The following RIN2 variants were observed in gnomAD, a reference collection of about 807,000 sequenced individuals.
RIN2 encodes the protein RAB5 interacting protein 2.
In RIN2, 36 loss-of-function variants were observed where a neutral mutation model predicts 78.0. That is an observed-to-expected ratio of 0.46 (90% CI 0.35 to 0.61). The LOEUF is 0.61. Among genes scored for constraint, RIN2 ranks in the 20% least tolerant of loss-of-function variants. RIN2 has a pLI of 0.00. For missense variants in RIN2, 1,087 were observed against 1,159.7 expected, an observed-to-expected ratio of 0.94 and a Z score of 0.91; for synonymous variants, 466 against 466.8, an observed-to-expected ratio of 1.00 and a Z score of 0.02.
intron 1 of RIN2, among the ~76,000 whole-genome samples, chr20:19,761,390 G>C (rs568860710): frequency 2.0e-5 from 3 of 152,324 alleles, no homozygotes; most frequent in African/African-American, 7.2e-5. Context: ...TTAGGGAAAT[G>C]CTAATGTTGT....
intron 11 of RIN2, among the ~76,000 whole-genome samples, chr20:19,995,478 G>A (rs567762191): frequency 6.0e-4 from 92 of 152,184 alleles, no homozygotes; most frequent in African/African-American, 1.9e-3. Flanking sequence ...GCTCTTCAGC[G>A]CAGAGACCAT....
intron 2 of RIN2, among the ~76,000 whole-genome samples, chr20:19,800,707 C>G (rs552859077): frequency 6.6e-6 from 1 of 152,332 alleles, no homozygotes; most frequent in South Asian, 2.1e-4. Context: ...GATAAGCTGT[C>G]CCTGCTAAAC....
chr20:19,764,807 C>A (rs2033796491), intron 1 of RIN2, among the ~76,000 whole-genome samples: 1 of 151,950 alleles, frequency 6.6e-6, no homozygotes. Flanking sequence ...TCCTTTTTCC[C>A]CATAGTTTTC....
intron 9 of RIN2, among the ~76,000 whole-genome samples, chr20:19,984,634 G>C (rs1221143287): frequency 2.6e-5 from 4 of 152,136 alleles, no homozygotes; most frequent in African/African-American, 9.7e-5. Context: ...GGGTGTGGTG[G>C]TGCATGCATG....
intron 2 of RIN2, among the ~76,000 whole-genome samples, chr20:19,848,011 A>G (rs1568811220): frequency 6.6e-6 from 1 of 152,210 alleles, no homozygotes; most frequent in Non-Finnish European, 1.5e-5. Context: ...CTGTGTTCCA[A>G]TAAAACTTTA....
Position 19,974,915 on chromosome 20 carries a change from A to C in RIN2, c.890A>C (p.Asn297Thr), listed in dbSNP as rs1318830522. 17 of 1,613,710 alleles carry C rather than the reference A, an allele frequency of 1.1e-5. No individual in the cohort carries two copies. Among genetic ancestry groups the C allele is most frequent in the African/African-American group, 2.7e-5 (2 of 74,928 alleles). ...GLKRPSTRTP[N>T]ANGTERTRSP... Reference sequence around the variant, plus strand: ...AAACGGCCGAGCACAAGGACTCCCAACGCGAATGGCACGGAGCGGACTCGG... The same window carrying C: ...AAACGGCCGAGCACAAGGACTCCCACCGCGAATGGCACGGAGCGGACTCGG... Residue 297 changes from asparagine to threonine, a missense_variant, in exon 9 of 13, where the codon AAC (asparagine) becomes ACC (threonine). Physicochemically the swap from Asn to Thr is moderately conservative, Grantham distance 65. Transcript: ENST00000255006.
chr20:19,873,263 T>C (rs1568561277), intron 2 of RIN2, among the ~76,000 whole-genome samples: 2 of 152,130 alleles, frequency 1.3e-5, no homozygotes, highest in Non-Finnish European at 2.9e-5. Flanking sequence ...TAGCTGGGAC[T>C]ACAGGCATGT....
In RIN2 at chr20:19,775,684, C is replaced by T. The variant is rs540454867; in HGVS notation, c.-163+17357C>T. Among the ~76,000 whole-genome samples the T allele has an allele frequency of 3.3e-5, 5 of 152,366 alleles. 1 individual carries two copies. The South Asian group carries it at 1.0e-3, about 32-fold the overall frequency. The stretch of plus-strand genomic sequence containing the variant: ...GAGGCTTAGAGAACACAAGCATTTG[C>T]TGAAGTTCATGTTAATCAGTGGTAG... On this transcript the variant is annotated intron_variant, in intron 1 of 12. Coordinates refer to ENST00000255006, the MANE Select transcript of RIN2 (RefSeq NM_018993.4).
intron 2 of RIN2, among the ~76,000 whole-genome samples, chr20:19,838,906 A>G (rs570054293): frequency 1.3e-5 from 2 of 151,950 alleles, no homozygotes; most frequent in Middle Eastern, 3.2e-3. Context: ...CCAGCCCCCA[A>G]ACCTCCACCC....
rs1245066030 is a variant in RIN2, at chr20:19,883,219, TG to T, written c.-36-6346del. Among the ~76,000 whole-genome samples the T allele has an allele frequency of 3.3e-5, 5 of 152,184 alleles. No homozygotes were observed. In the South Asian group the frequency reaches 1.0e-3, roughly 32 times the overall value. On this transcript the variant is annotated intron_variant, in intron 2 of 12. Coordinates refer to ENST00000255006, the MANE Select transcript of RIN2 (RefSeq NM_018993.4). ...CATCAGTCAAGAGAGGAATAAGGGA[TG>T]CCTGCAGGGGTGGCGAAGAGGGATG...
At chr20:19,995,014 G>C (rs1407470387) in intron 11 of RIN2, among the ~76,000 whole-genome samples, 4 of 152,040 alleles carry the variant, frequency 2.6e-5, no homozygotes, top group Non-Finnish European at 5.9e-5. Context: ...AAACAAGAAG[G>C]GTATTTTTCT....
chr20:19,921,494 A>C (rs917727442), intron 3 of RIN2, among the ~76,000 whole-genome samples: 72 of 152,304 alleles, frequency 4.7e-4, no homozygotes, highest in Admixed American at 4.6e-3. Flanking sequence ...AGAGCACTTG[A>C]TTCACTCAAC....
At chr20:19,856,257 A>G (rs1257771224) in intron 2 of RIN2, among the ~76,000 whole-genome samples, 1 of 152,214 alleles carries the variant, frequency 6.6e-6, no homozygotes, top group Non-Finnish European at 1.5e-5. Context: ...ATATGATTTT[A>G]GGGTTTTAAG....
At chr20:19,965,228 C>T (rs1281593094) in intron 7 of RIN2, among the ~76,000 whole-genome samples, 1 of 152,056 alleles carries the variant, frequency 6.6e-6, no homozygotes, top group African/African-American at 2.4e-5. Flanking sequence ...AACGACTATC[C>T]CAACCCCTCC....
intron 3 of RIN2, among the ~76,000 whole-genome samples, chr20:19,919,135 C>T (rs961275962): frequency 6.6e-6 from 1 of 152,188 alleles, no homozygotes; most frequent in African/African-American, 2.4e-5. Context: ...TCTTGTCAGC[C>T]TTCCAGCTGG....
rs771581342 is a variant in RIN2 at position 20,000,882 on chromosome 20, C to T, written c.2634C>T (p.Asn878=). Residue 878 remains asparagine (N), a synonymous_variant, in exon 13 of 13, where the codon AAC becomes AAT. Coordinates refer to ENST00000255006, the MANE Select transcript of RIN2 (RefSeq NM_018993.4). ...ACTTTGTCTACAAACGCATCAAGAA[C>T]GATCCTTATGGCATCATTTTCCAGA... ...IFHFVYKRIK[N]DPYGIIFQNG... The T allele has an allele frequency of 2.7e-5, 44 of 1,613,844 alleles. No individual in the cohort carries two copies. Among genetic ancestry groups the T allele is most frequent in the Admixed American group, 3.3e-5 (2 of 60,004 alleles).
intron 1 of RIN2, among the ~76,000 whole-genome samples, chr20:19,781,215 T>C (rs893142505): frequency 6.6e-6 from 1 of 152,156 alleles, no homozygotes; most frequent in Non-Finnish European, 1.5e-5. Flanking sequence ...TGGCCCAAAC[T>C]CAGTCACATA....
At chr20:19,788,172 C>T (rs6046321) in intron 1 of RIN2, among the ~76,000 whole-genome samples, 3,967 of 152,146 alleles carry the variant, frequency 0.026, 90 homozygotes, top group African/African-American at 0.063. Context: ...ATAACACAAG[C>T]GTGCCCTATC....
chr20:19,930,417 C>T lies in RIN2; in HGVS notation c.58-4682C>T, dbSNP rs180893982. On this transcript the variant is annotated intron_variant, in intron 3 of 12. Coordinates refer to ENST00000255006, the MANE Select transcript of RIN2 (RefSeq NM_018993.4). The stretch of plus-strand genomic sequence containing the variant: ...GGTCTGGAGATCCAGCCAACAGCAT[C>T]GGCAAGAGCGGTACCCAGACAAAAA... Among the ~76,000 whole-genome samples the T allele has an allele frequency of 2.9e-4, 44 of 152,272 alleles. No individual in the cohort carries two copies. The East Asian group carries it at 8.3e-3, about 29-fold the overall frequency.
Sources: gnomAD v4.1 joint callset for allele counts (sites outside exome capture counted in the v4.1 genomes callset) on GRCh38, gnomAD v4.1.1 for gene constraint, MANE v1.5 for transcripts, NCBI Gene and HGNC (gene_info 2026-07-23, HGNC 2026-07-21) for gene names.